SLC11A2: variants seen among roughly 807,000 people sequenced by gnomAD.
The protein encoded by SLC11A2 is solute carrier family 11 member 2.
SLC11A2 carries 38 observed loss-of-function variants against 68.0 expected under a neutral mutation model. The observed-to-expected ratio is 0.56, with a 90% CI of 0.43 to 0.73. The LOEUF is 0.73. Ranked by LOEUF, SLC11A2 falls within the 30% of genes least tolerant of loss-of-function variation. The probability of loss-of-function intolerance (pLI) is 0.00; values close to 1 mark genes in which losing one functional copy is unlikely to be tolerated. For missense variants in SLC11A2, 517 were observed against 690.5 expected (o/e 0.75, Z 2.82); for synonymous variants, 242 against 250.6 (o/e 0.97, Z 0.32).
intron 8 of SLC11A2, 117 bp downstream of exon 8, chr12:50,999,057 T>C: frequency 2.3e-6 from 2 of 877,302 alleles, no homozygotes; most frequent in African/African-American, 1.7e-5. Flanking sequence ...TTTTTGTTGA[T>C]ACACCCACTA....
intron 1 of SLC11A2, among the ~76,000 whole-genome samples, chr12:51,011,753 C>T (rs1363669216): frequency 1.3e-5 from 2 of 151,270 alleles, no homozygotes; most frequent in Admixed American, 6.6e-5. Context: ...AGTAGAGACA[C>T]GGTTTGACCA....
At chr12:50,961,726 A>T in the SLC11A2 span, among the ~76,000 whole-genome samples, 2,363 of 152,254 alleles carry the variant, frequency 0.016, 68 homozygotes, top group African/African-American at 0.053. Context: ...AATTAATCTA[A>T]ATTTGTTTGG....
downstream of SLC11A2, chr12:50,981,705 TAG>T (rs1212384265): frequency 9.4e-6 from 14 of 1,487,608 alleles, no homozygotes; most frequent in Admixed American, 2.0e-5. Context: ...CATGTTCTTA[TAG>T]AGTCTCTCAG....
chr12:51,011,151 C>T (rs574021258), intron 1 of SLC11A2, among the ~76,000 whole-genome samples: 2 of 148,206 alleles, frequency 1.3e-5, no homozygotes, highest in South Asian at 2.1e-4. Context: ...GTCTTTGAGT[C>T]GGAGTCTTGC....
rs73300007 is a variant in SLC11A2 at position 51,004,462 on chromosome 12, G to A, written c.429+326C>T. Among the ~76,000 whole-genome samples, 1,075 of 152,302 alleles carry A rather than the reference G, an allele frequency of 7.1e-3. 20 individuals are homozygous for A. Among genetic ancestry groups the A allele is most frequent in the African/African-American group, 0.024 (1,001 of 41,564 alleles). On this transcript the variant is annotated intron_variant, in intron 5 of 15. Transcript: ENST00000262052. The stretch of plus-strand genomic sequence containing the variant: ...ATGCAAACTGATGGAGTAACATGGA[G>A]GTATGAATAAAAGTGCTTAGAGAGA...
At position 51,008,579 on chromosome 12, in the gene SLC11A2, A is replaced by G. The variant is rs1592395812; in HGVS notation, c.80T>C (p.Ile27Thr). Residue 27 changes from isoleucine (I) to threonine (T), a missense_variant, in exon 3 of 16, where the codon ATC (isoleucine) becomes ACC (threonine). Ile to Thr is a moderately conservative substitution (Grantham distance 89). Transcript: ENST00000262052. Reference protein sequence around the residue: ...DHGESASLGNINPAYSNPSLS... With the variant: ...DHGESASLGNTNPAYSNPSLS... Reference sequence around the variant, plus strand: ...AGAGGGATTACTATAGGCAGGGTTGATGTTACCAAGACTGGCAGACTCCCC... The same window carrying G: ...AGAGGGATTACTATAGGCAGGGTTGGTGTTACCAAGACTGGCAGACTCCCC... 1 of 1,612,774 alleles carries G rather than the reference A, an allele frequency of 6.2e-7. No homozygotes were observed. Among genetic ancestry groups the G allele is most frequent in the East Asian group, 2.2e-5 (1 of 44,874 alleles).
downstream of SLC11A2, among the ~76,000 whole-genome samples, chr12:50,977,583 T>C (rs1283725687): frequency 2.0e-5 from 3 of 152,170 alleles, no homozygotes; most frequent in African/African-American, 7.2e-5. Context: ...GACATAGGCA[T>C]GGGCAAGGAC....
At chr12:51,023,298 T>C (rs1944164246) in intron 1 of SLC11A2, among the ~76,000 whole-genome samples, 1 of 152,202 alleles carries the variant, frequency 6.6e-6, no homozygotes, top group South Asian at 2.1e-4. Flanking sequence ...AAATTAAAAA[T>C]TAGCTGAGCA....
chr12:51,003,551 C>CA (rs371557171), intron 5 of SLC11A2, among the ~76,000 whole-genome samples: 2,464 of 129,236 alleles, frequency 0.019, 60 homozygotes, highest in African/African-American at 0.063. Context: ...GATTCTGTCT[C>CA]AAAAAAAAAA....
intron 9 of SLC11A2, 47 bp from the exon 10 acceptor site, chr12:50,995,834 T>A: frequency 1.3e-6 from 2 of 1,590,656 alleles, no homozygotes; most frequent in African/African-American, 1.3e-5. Flanking sequence ...TTAGAACAAG[T>A]TTCCTTGTGA....
chr12:51,026,120 G>A (rs1271669769), intron 1 of SLC11A2, 190 bp downstream of exon 1: 1 of 1,092,900 alleles, frequency 9.1e-7, no homozygotes, highest in Non-Finnish European at 1.1e-6. Flanking sequence ...TGAATGGCGC[G>A]ACTCCATCAG....
At chr12:50,974,068 G>T in the SLC11A2 span, among the ~76,000 whole-genome samples, 3 of 151,834 alleles carry the variant, frequency 2.0e-5, no homozygotes, top group African/African-American at 7.2e-5. Flanking sequence ...ACACTCTGCA[G>T]GATATTATCC....
At chr12:50,991,225 A>C (rs773011970) in intron 14 of SLC11A2, among the ~76,000 whole-genome samples, 6 of 152,206 alleles carry the variant, frequency 3.9e-5, no homozygotes, top group Non-Finnish European at 8.8e-5. Context: ...CCATTTTATT[A>C]ACGTTCCCAA....
chr12:50,960,801 G>A, the SLC11A2 span, among the ~76,000 whole-genome samples: 1 of 151,904 alleles, frequency 6.6e-6, no homozygotes, highest in Non-Finnish European at 1.5e-5. Context: ...TCCTGCCTCA[G>A]CCTCCTGAGT....
At chr12:50,962,427 C>A in the SLC11A2 span, among the ~76,000 whole-genome samples, 27,723 of 151,024 alleles carry the variant, frequency 0.18, 2,887 homozygotes, top group East Asian at 0.5. Flanking sequence ...AAGCCAGGCA[C>A]GGTGGCTCAT....
chr12:50,986,376 T>G lies in SLC11A2; in HGVS notation c.*1949A>C. The G allele has an allele frequency of 7.8e-7, 1 of 1,280,910 alleles. No homozygotes were observed. The highest frequency in any genetic ancestry group is 1.0e-6 in the Non-Finnish European group (1 of 982,926). 79.3% of individuals were successfully genotyped at this position (1,280,910 alleles called of 1,614,324 possible). On this transcript the variant is annotated 3_prime_UTR_variant, in exon 16 of 16. Coordinates refer to ENST00000262052, the MANE Select transcript of SLC11A2 (RefSeq NM_000617.3). ...TAACGTATGAGGGTATTTTTAACAC[T>G]GTGAAGTACACACATAATATTATAA... is the stretch of plus-strand genomic sequence containing the variant.
Position 51,010,759 on chromosome 12 carries a change from A to G in SLC11A2, c.-31T>C. The G allele has an allele frequency of 1.3e-6, 2 of 1,596,790 alleles. No individual in the cohort carries two copies. Among genetic ancestry groups the G allele is most frequent in the Non-Finnish European group, 8.6e-7 (1 of 1,167,022 alleles). On this transcript the variant is annotated 5_prime_UTR_variant, in exon 2 of 16. Transcript: ENST00000262052. The stretch of plus-strand genomic sequence containing the variant: ...ATACCTGAGTGGCTGAGTTCTTAGA[A>G]TATGATTCTGGAAAGGAGAAAAGTG...
chr12:50,992,867 C>T lies in SLC11A2; in HGVS notation c.1140G>A (p.Leu380=). The T allele has an allele frequency of 1.9e-6, 3 of 1,614,078 alleles. 1 individual carries two copies. The part of the protein sequence containing the change: ...AALYIWAVGI[L]AAGQSSTMTG... ...TCATGGTGGAGCTCTGTCCTGCAGC[C>T]AGGATCCCCACTGCCCAAATGTAGA... The change falls in exon 12 of 16, where the codon CTG becomes CTA. Residue 380 remains leucine, a synonymous_variant. Coordinates refer to ENST00000262052, the MANE Select transcript of SLC11A2 (RefSeq NM_000617.3).
intron 15 of SLC11A2, chr12:50,990,478 G>A (rs1592317460): frequency 3.8e-6 from 1 of 260,630 alleles, no homozygotes; most frequent in Non-Finnish European, 7.3e-6. Context: ...GAATTTTATG[G>A]TTAGAAATAT....
Sources: allele counts gnomAD v4.1 joint callset (sites outside exome capture counted in the v4.1 genomes callset), GRCh38; gene constraint gnomAD v4.1.1; transcripts MANE v1.5; gene names NCBI Gene and HGNC (gene_info 2026-07-23, HGNC 2026-07-21).